Variants in TACR1 observed in about 807,000 individuals in gnomAD.
TACR1 encodes the protein substance-P receptor.
TACR1 carries 25 observed loss-of-function variants against 35.8 expected under a neutral mutation model. That is an observed-to-expected ratio of 0.70 (90% CI 0.51 to 0.98). The LOEUF (loss-of-function observed/expected upper bound fraction) is 0.98. Ranked by LOEUF, TACR1 falls within the 50% of genes least tolerant of loss-of-function variation. The probability of loss-of-function intolerance (pLI) is 0.00; values close to 1 mark genes in which losing one functional copy is unlikely to be tolerated. For missense variants in TACR1, 478 were observed against 522.9 expected (o/e 0.91, Z 0.84); for synonymous variants, 195 against 206.7 (o/e 0.94, Z 0.48).
chr2:75,123,786 C>T (rs541471766), intron 1 of TACR1, among the ~76,000 whole-genome samples: 1 of 152,042 alleles, frequency 6.6e-6, no homozygotes, highest in South Asian at 2.1e-4. Context: ...TTTTCTTATT[C>T]ACCCAAAAGC....
intron 1 of TACR1, among the ~76,000 whole-genome samples, chr2:75,162,248 A>G (rs1393641530): frequency 6.6e-6 from 1 of 152,186 alleles, no homozygotes; most frequent in African/African-American, 2.4e-5. Context: ...TCCAATTAAA[A>G]GTTTACATAA....
intron 1 of TACR1, among the ~76,000 whole-genome samples, chr2:75,147,998 G>A (rs993154079): frequency 9.9e-5 from 15 of 151,700 alleles, no homozygotes; most frequent in Non-Finnish European, 4.4e-5. Context: ...CACCCATCTC[G>A]GCCTCCCAAA....
chr2:75,113,532 C>CTTTTTTT (rs11437762), intron 2 of TACR1, among the ~76,000 whole-genome samples: 20 of 92,078 alleles, frequency 2.2e-4, no homozygotes, highest in East Asian at 1.3e-3. Context: ...TTTCTTCTTC[C>CTTTTTTT]TTTTTTTTTT....
At chr2:75,070,215 A>ATGTATGTGTGTGTG (rs1189945624) in intron 2 of TACR1, among the ~76,000 whole-genome samples, 2 of 92,926 alleles carry the variant, frequency 2.2e-5, no homozygotes, top group Non-Finnish European at 3.9e-5. Context: ...CCAACATTGT[A>ATGTATGTGTGTGTG]TGTATGTGTG....
At chr2:75,176,676 A>G (rs1448745473) in intron 1 of TACR1, among the ~76,000 whole-genome samples, 1 of 152,016 alleles carries the variant, frequency 6.6e-6, no homozygotes, top group Non-Finnish European at 1.5e-5. Context: ...TACTCCCCAC[A>G]AGGCCTCTAC....
intron 2 of TACR1, among the ~76,000 whole-genome samples, chr2:75,112,515 C>G (rs1673772142): frequency 6.6e-6 from 1 of 152,036 alleles, no homozygotes; most frequent in Admixed American, 6.6e-5. Flanking sequence ...GAATGTAGTT[C>G]TCAAATATTT....
chr2:75,167,244 T>C (rs868526211), intron 1 of TACR1, among the ~76,000 whole-genome samples: 3 of 152,176 alleles, frequency 2.0e-5, no homozygotes, highest in Non-Finnish European at 2.9e-5. Flanking sequence ...GCAATTCCAA[T>C]AAAATCACAG....
chr2:75,053,575 G>A (rs1672511877), intron 3 of TACR1, 30 bp downstream of exon 3: 1 of 1,490,450 alleles, frequency 6.7e-7, no homozygotes, highest in Non-Finnish European at 8.9e-7. Context: ...CTGTGCCAGG[G>A]TGGGTTAGTT....
At chr2:75,146,184 G>A (rs58792493) in intron 1 of TACR1, among the ~76,000 whole-genome samples, 11,378 of 152,092 alleles carry the variant, frequency 0.075, 885 homozygotes, top group African/African-American at 0.2. Flanking sequence ...GTGCAGTGGC[G>A]AAATCTTGGC....
intron 1 of TACR1, among the ~76,000 whole-genome samples, chr2:75,155,897 A>G (rs1328077752): frequency 6.6e-6 from 1 of 152,270 alleles, no homozygotes; most frequent in Non-Finnish European, 1.5e-5. Context: ...TATGGCCCAT[A>G]GGCCAAAGCT....
At chr2:75,130,355 C>T (rs915688029) in intron 1 of TACR1, among the ~76,000 whole-genome samples, 1 of 152,216 alleles carries the variant, frequency 6.6e-6, no homozygotes, top group Non-Finnish European at 1.5e-5. Flanking sequence ...GTGCTGCGTC[C>T]TGTGCCTGCA....
chr2:75,130,316 C>A (rs1674152165), intron 1 of TACR1, among the ~76,000 whole-genome samples: 1 of 152,186 alleles, frequency 6.6e-6, no homozygotes, highest in South Asian at 2.1e-4. Context: ...GCTGCTGCCC[C>A]TGCCAGGCAC....
At chr2:75,069,820 C>T (rs1418113900) in intron 2 of TACR1, among the ~76,000 whole-genome samples, 1 of 152,168 alleles carries the variant, frequency 6.6e-6, no homozygotes, top group Non-Finnish European at 1.5e-5. Flanking sequence ...ATCAAGGGTA[C>T]ATGCTATTAT....
chr2:75,101,142 A>G (rs1204774689), intron 2 of TACR1, among the ~76,000 whole-genome samples: 3 of 152,198 alleles, frequency 2.0e-5, no homozygotes, highest in Non-Finnish European at 4.4e-5. Context: ...TATTTTAGAA[A>G]AAGGAAAACA....
At chr2:75,178,998 T>C (rs1675496600) in intron 1 of TACR1, among the ~76,000 whole-genome samples, 1 of 152,222 alleles carries the variant, frequency 6.6e-6, no homozygotes, top group African/African-American at 2.4e-5. Context: ...CCCACATCTG[T>C]ATCCCAGACA....
At chr2:75,116,216 C>T (rs1047503686) in intron 2 of TACR1, among the ~76,000 whole-genome samples, 22 of 152,072 alleles carry the variant, frequency 1.4e-4, no homozygotes, top group African/African-American at 2.2e-4. Context: ...GTGATCCTCC[C>T]ACCTCAGCCT....
intron 2 of TACR1, among the ~76,000 whole-genome samples, chr2:75,094,206 G>A (rs1257008823): frequency 1.3e-5 from 2 of 152,140 alleles, no homozygotes; most frequent in African/African-American, 4.8e-5. Flanking sequence ...TTTTCTAAAT[G>A]GAAGGGATAA....
At chr2:75,151,296 C>T (rs182999068) in intron 1 of TACR1, among the ~76,000 whole-genome samples, 12 of 152,298 alleles carry the variant, frequency 7.9e-5, no homozygotes, top group South Asian at 6.2e-4. Flanking sequence ...GCAGCCCCTC[C>T]GATCACAGGC....
intron 2 of TACR1, among the ~76,000 whole-genome samples, chr2:75,103,097 C>T (rs13013170): frequency 0.4 from 60,485 of 152,016 alleles, 13,801 homozygotes; most frequent in Non-Finnish European, 0.52. Context: ...TCAATACTTA[C>T]TATATTAGAA....
Sources: allele counts gnomAD v4.1 joint callset (sites outside exome capture counted in the v4.1 genomes callset), GRCh38; gene constraint gnomAD v4.1.1; transcripts MANE v1.5; gene names NCBI Gene and HGNC (gene_info 2026-07-23, HGNC 2026-07-21).